Variants in FER1L6 observed in about 807,000 individuals in gnomAD.
FER1L6 encodes the protein fer-1-like protein 6.
A neutral mutation model predicts 219.2 loss-of-function variants in FER1L6; 177 were observed. The observed-to-expected ratio is 0.81, with a 90% CI of 0.71 to 0.91. The LOEUF (loss-of-function observed/expected upper bound fraction) is 0.91, where lower values mean the gene tolerates loss of function less well. FER1L6 is among the 40% of genes least tolerant of loss of function. FER1L6 has a pLI of 0.00. For synonymous variants in FER1L6, 768 were observed against 824.3 expected, an observed-to-expected ratio of 0.93 and a Z score of 1.17; for missense variants, 2,153 against 2,259.9, an observed-to-expected ratio of 0.95 and a Z score of 0.96.
intron 28 of FER1L6, 83 bp downstream of exon 28, chr8:124,067,889 GTAT>G: frequency 9.1e-7 from 1 of 1,097,046 alleles, no homozygotes; most frequent in African/African-American, 1.6e-5. Flanking sequence ...CACGGGAGGT[GTAT>G]TAGAGCTCAA....
chr8:124,116,935 C>T (rs1282347099), intron 39 of FER1L6, among the ~76,000 whole-genome samples: 1 of 152,142 alleles, frequency 6.6e-6, no homozygotes, highest in Non-Finnish European at 1.5e-5. Context: ...AGCCAGATAG[C>T]CCTAGAAAAC....
chr8:123,923,941 G>GAAAAAA (rs60137127), intron 1 of FER1L6, among the ~76,000 whole-genome samples: 1 of 94,782 alleles, frequency 1.1e-5, no homozygotes, highest in Non-Finnish European at 2.2e-5. Context: ...CTCCAACTAA[G>GAAAAAA]AAAAAAAAAA....
intron 22 of FER1L6, among the ~76,000 whole-genome samples, chr8:124,058,083 A>G (rs2130813409): frequency 6.6e-6 from 1 of 152,368 alleles, no homozygotes; most frequent in African/African-American, 2.4e-5. Flanking sequence ...ATAGAGCCCA[A>G]GTAACCACTG....
chr8:123,907,463 C>T (rs947386915), intron 1 of FER1L6, among the ~76,000 whole-genome samples: 5 of 152,034 alleles, frequency 3.3e-5, no homozygotes, highest in South Asian at 2.1e-4. Flanking sequence ...GCAACCCTGA[C>T]TTTCACTGTG....
chr8:124,045,779 A>G lies in FER1L6; in HGVS notation c.2602A>G (p.Thr868Ala), dbSNP rs1366885741. The G allele has an allele frequency of 6.2e-7, 1 of 1,613,754 alleles. No homozygotes were observed. The highest frequency in any genetic ancestry group is 8.5e-7 in the Non-Finnish European group (1 of 1,179,928). ...HCQTTKIISQTLSPTWNQMLL... is the reference protein window; with the variant it reads ...HCQTTKIISQALSPTWNQMLL... The stretch of plus-strand genomic sequence containing the variant: ...TCCCTGCTTCCAGATAATCTCCCAG[A>G]CCCTCTCTCCGACCTGGAACCAGAT... Residue 868 changes from threonine to alanine, a missense_variant, in exon 21 of 41, where the codon ACC (threonine) becomes GCC (alanine). By Grantham distance (58) the Thr-to-Ala change is moderately conservative. Coordinates refer to ENST00000522917, the MANE Select transcript of FER1L6 (RefSeq NM_001039112.2).
intron 32 of FER1L6, among the ~76,000 whole-genome samples, chr8:124,077,874 A>G (rs1230932244): frequency 1.3e-5 from 2 of 152,210 alleles, no homozygotes; most frequent in African/African-American, 2.4e-5. Context: ...CAGGAAGAGA[A>G]GAGGGTTCTT....
At chr8:123,990,858 A>G (rs1816822616) in intron 12 of FER1L6, among the ~76,000 whole-genome samples, 1 of 152,104 alleles carries the variant, frequency 6.6e-6, no homozygotes, top group Non-Finnish European at 1.5e-5. Flanking sequence ...CTGGTCTTAG[A>G]TTTAAGTCCT....
chr8:123,899,014 G>A (rs1812813022), intron 1 of FER1L6, among the ~76,000 whole-genome samples: 1 of 151,852 alleles, frequency 6.6e-6, no homozygotes, highest in Non-Finnish European at 1.5e-5. Flanking sequence ...CCTCTGGGTA[G>A]ATACCTAGTA....
intron 20 of FER1L6, 22 bp from the exon 21 acceptor site, chr8:124,045,745 T>TTTC: frequency 6.2e-7 from 1 of 1,613,590 alleles, no homozygotes; most frequent in Non-Finnish European, 8.5e-7. Flanking sequence ...ATCTTTTGCT[T>TTTC]TTCTTTGGTC....
rs113281092 is a variant in FER1L6, at chr8:123,977,696, A to G, written c.1063+87A>G. ...TTTAAAAGGGGTGGGCTAGAGCAGC[A>G]GTCCCCAGCCTTTCTGGCACCAGAT... On this transcript the variant is annotated intron_variant, in intron 10 of 40. Transcript: ENST00000522917. 76 of 1,226,772 alleles carry G rather than the reference A, an allele frequency of 6.2e-5. No individual in the cohort carries two copies. In the African/African-American group the frequency reaches 9.6e-4, roughly 16 times the overall value. 76.0% of individuals were successfully genotyped at this position (1,226,772 alleles called of 1,614,324 possible).
Position 124,050,262 on chromosome 8 carries a change from T to C in FER1L6, c.2874+506T>C, listed in dbSNP as rs1459809022. Among the ~76,000 whole-genome samples the C allele has an allele frequency of 2.0e-5, 3 of 152,318 alleles. No individual in the cohort carries two copies. The East Asian group carries it at 5.8e-4, about 29-fold the overall frequency. On this transcript the variant is annotated intron_variant, in intron 22 of 40. Coordinates refer to ENST00000522917, the MANE Select transcript of FER1L6 (RefSeq NM_001039112.2). ...ACAGCTGGGTGAACTGAGTTGACCT[T>C]AGACCTTTAAGGCCTTTTGCTCCTT... is the stretch of plus-strand genomic sequence containing the variant.
intron 1 of FER1L6, among the ~76,000 whole-genome samples, chr8:123,866,779 G>C (rs1168375076): frequency 1.3e-5 from 2 of 152,026 alleles, no homozygotes. Flanking sequence ...GACCATACCT[G>C]GCTAATTTTT....
intron 13 of FER1L6, among the ~76,000 whole-genome samples, chr8:124,007,178 G>A (rs1817694809): frequency 6.6e-6 from 1 of 152,164 alleles, no homozygotes; most frequent in African/African-American, 2.4e-5. Flanking sequence ...CTCCTTCAGA[G>A]GAAATTTGCG....
chr8:124,005,936 AT>A (rs2130526553), intron 13 of FER1L6, among the ~76,000 whole-genome samples: 1 of 152,166 alleles, frequency 6.6e-6, no homozygotes, highest in East Asian at 1.9e-4. Context: ...CATTCCCTGA[AT>A]TTTCTAAACC....
At chr8:123,931,232 C>T (rs938619663) in intron 1 of FER1L6, among the ~76,000 whole-genome samples, 2 of 152,092 alleles carry the variant, frequency 1.3e-5, no homozygotes, top group Admixed American at 6.5e-5. Context: ...GTCTTGTGTA[C>T]CAACAGATCC....
chr8:124,049,521 A>AT, intron 21 of FER1L6, 86 bp from the exon 22 acceptor site: 1 of 1,440,800 alleles, frequency 6.9e-7, no homozygotes, highest in South Asian at 1.2e-5. Context: ...TGTGGAGGTT[A>AT]TTTTGTGGAG....
At chr8:123,927,244 A>C (rs1813598765) in intron 1 of FER1L6, among the ~76,000 whole-genome samples, 1 of 152,142 alleles carries the variant, frequency 6.6e-6, no homozygotes, top group South Asian at 2.1e-4. Flanking sequence ...ACAAGAATCA[A>C]CGACCAATCT....
At chr8:123,886,907 C>T (rs917263379) in intron 1 of FER1L6, among the ~76,000 whole-genome samples, 24 of 152,110 alleles carry the variant, frequency 1.6e-4, no homozygotes, top group African/African-American at 5.1e-4. Flanking sequence ...TCGAAACTGA[C>T]CCAATAGTCC....
At chr8:124,078,894 A>T (rs994301368) in intron 32 of FER1L6, among the ~76,000 whole-genome samples, 1 of 152,172 alleles carries the variant, frequency 6.6e-6, no homozygotes, top group Admixed American at 6.5e-5. Context: ...TGGGTGGCCG[A>T]AACAACAGAA....
Sources: allele counts gnomAD v4.1 joint callset (sites outside exome capture counted in the v4.1 genomes callset), GRCh38; gene constraint gnomAD v4.1.1; transcripts MANE v1.5; gene names NCBI Gene and HGNC (gene_info 2026-07-23, HGNC 2026-07-21).